Variants in GLIS3 observed in about 807,000 individuals in gnomAD.
GLIS3 encodes GLIS family zinc finger 3, also known as zinc finger protein GLIS3.
GLIS3 carries 53 observed loss-of-function variants against 78.6 expected under a neutral mutation model. The observed-to-expected ratio is 0.67, with a 90% CI of 0.54 to 0.85. The LOEUF (loss-of-function observed/expected upper bound fraction) is 0.85, where lower values mean the gene tolerates loss of function less well. Ranked by LOEUF, GLIS3 falls within the 40% of genes least tolerant of loss-of-function variation. The pLI is 0.00. For missense variants in GLIS3, 1,703 were observed against 1,231.1 expected (o/e 1.38, Z -5.74); for synonymous variants, 684 against 509.9 (o/e 1.34, Z -4.60).
intron 2 of GLIS3, among the ~76,000 whole-genome samples, chr9:4,338,366 G>A (rs1051895249): frequency 3.7e-5 from 5 of 133,714 alleles, no homozygotes; most frequent in Non-Finnish European, 4.7e-5. Flanking sequence ...ATATATGTGT[G>A]TACACACACA....
At chr9:3,837,472 T>C (rs576182298) in intron 9 of GLIS3, among the ~76,000 whole-genome samples, 3 of 152,234 alleles carry the variant, frequency 2.0e-5, no homozygotes, top group Admixed American at 2.0e-4. Flanking sequence ...TGTACATGTA[T>C]GTTTATAGTA....
intron 4 of GLIS3, among the ~76,000 whole-genome samples, chr9:4,116,947 G>A (rs1224055765): frequency 6.6e-6 from 1 of 152,256 alleles, no homozygotes; most frequent in South Asian, 2.1e-4. Context: ...AACCCTGAGG[G>A]TTTCTGTGAG....
the GLIS3 span, among the ~76,000 whole-genome samples, chr9:4,398,372 A>T: frequency 6.6e-6 from 1 of 152,008 alleles, no homozygotes; most frequent in African/African-American, 2.4e-5. Context: ...GTATCTATGG[A>T]ATCAGAATCT....
the GLIS3 span, among the ~76,000 whole-genome samples, chr9:4,484,146 G>A: frequency 2.0e-5 from 3 of 152,118 alleles, no homozygotes; most frequent in Admixed American, 6.5e-5. Flanking sequence ...ATAACAGTAA[G>A]AGAAATCTGA....
intron 2 of GLIS3, among the ~76,000 whole-genome samples, chr9:4,252,140 G>C (rs1050660829): frequency 6.6e-6 from 1 of 152,146 alleles, no homozygotes; most frequent in African/African-American, 2.4e-5. Context: ...TCCAGAATTT[G>C]AATGTTGGCC....
At chr9:4,207,125 G>T (rs1251012780) in intron 2 of GLIS3, among the ~76,000 whole-genome samples, 2 of 152,146 alleles carry the variant, frequency 1.3e-5, no homozygotes, top group Admixed American at 6.5e-5. Flanking sequence ...ATCCATAATG[G>T]TATGTGGAGA....
chr9:4,376,613 C>G, the GLIS3 span, among the ~76,000 whole-genome samples: 14 of 134,712 alleles, frequency 1.0e-4, 2 homozygotes, highest in African/African-American at 3.7e-4. Context: ...CCTAATATGC[C>G]AGTGGGTACT....
chr9:4,058,339 C>T (rs967910886), intron 4 of GLIS3, among the ~76,000 whole-genome samples: 1 of 152,022 alleles, frequency 6.6e-6, no homozygotes, highest in Non-Finnish European at 1.5e-5. Context: ...AGAGAGTAAG[C>T]AGATACTGCT....
chr9:4,227,797 G>A (rs1039494199), intron 2 of GLIS3, among the ~76,000 whole-genome samples: 10 of 152,194 alleles, frequency 6.6e-5, no homozygotes, highest in Non-Finnish European at 1.3e-4. Context: ...AAGCAAGGGA[G>A]AAGCAATTCT....
intron 2 of GLIS3, among the ~76,000 whole-genome samples, chr9:4,275,730 T>C (rs1223689543): frequency 6.6e-6 from 1 of 152,094 alleles, no homozygotes; most frequent in African/African-American, 2.4e-5. Context: ...GCTACTGCAC[T>C]CTGGCCTGGG....
In GLIS3 at chr9:4,024,354, C is replaced by A. The variant is rs530064793; in HGVS notation, c.1711-87165G>T. On this transcript the variant is annotated intron_variant, in intron 4 of 10. Transcript: ENST00000381971. ...TCACATCAAGAATCAAAATGAAGGT[C>A]ATGATAATGACTGTGTGGATAGAAT... Among the ~76,000 whole-genome samples, 89 of 152,282 alleles carry A rather than the reference C, an allele frequency of 5.8e-4. 2 individuals carry two copies. Among genetic ancestry groups the A allele is most frequent in the Admixed American group, 5.8e-3 (89 of 15,290 alleles).
chr9:3,881,589 G>A (rs115458537), intron 7 of GLIS3, among the ~76,000 whole-genome samples: 2,101 of 152,184 alleles, frequency 0.014, 51 homozygotes, highest in African/African-American at 0.046. Context: ...CCTGCCACTC[G>A]CTCAGAGTTA....
At chr9:4,381,597 G>T in the GLIS3 span, among the ~76,000 whole-genome samples, 2 of 152,152 alleles carry the variant, frequency 1.3e-5, no homozygotes, top group Middle Eastern at 3.4e-3. Context: ...ATATCTGCAT[G>T]CATGAACCTC....
the GLIS3 span, among the ~76,000 whole-genome samples, chr9:4,405,257 G>C: frequency 6.6e-6 from 1 of 152,086 alleles, no homozygotes; most frequent in South Asian, 2.1e-4. Context: ...AGGAGGCTGA[G>C]GCAGGAGAAT....
At chr9:3,935,172 C>T (rs636601) in intron 5 of GLIS3, among the ~76,000 whole-genome samples, 112,021 of 152,022 alleles carry the variant, frequency 0.74, 41,711 homozygotes, top group East Asian at 0.93. Flanking sequence ...ATTTAAATAA[C>T]AAATTCTTCA....
At chr9:4,038,996 G>GTC (rs1824566066) in intron 4 of GLIS3, among the ~76,000 whole-genome samples, 1 of 152,162 alleles carries the variant, frequency 6.6e-6, no homozygotes, top group East Asian at 1.9e-4. Flanking sequence ...GGGTAAAGCT[G>GTC]AGCAGCTTGC....
chr9:4,118,379 C>T lies in GLIS3; in HGVS notation c.1099G>A (p.Gly367Ser), dbSNP rs768718889. ...SCIPQPRPVPGSQKGVLVAPG... is the reference protein window; with the variant it reads ...SCIPQPRPVPSSQKGVLVAPG... ...GCCACCAGCACGCCCTTCTGGCTGC[C>T]GGGCACCGGGCGCGGCTGGGGAATG... Residue 367 changes from glycine (G) to serine (S), a missense_variant, in exon 4 of 11, where the codon GGC becomes AGC. Coordinates refer to ENST00000381971, the MANE Select transcript of GLIS3 (RefSeq NM_001042413.2). This position sits in a 1 kb window ranked among gnomAD's most constrained non-coding sequence, Gnocchi z 4.7. 3 of 1,596,392 alleles carry T rather than the reference C, an allele frequency of 1.9e-6. No individual in the cohort carries two copies. Among genetic ancestry groups the T allele is most frequent in the South Asian group, 1.1e-5 (1 of 90,088 alleles).
intron 4 of GLIS3, among the ~76,000 whole-genome samples, chr9:4,100,748 A>ACTAAT (rs2130798314): frequency 6.6e-6 from 1 of 152,316 alleles, no homozygotes; most frequent in East Asian, 1.9e-4. Context: ...AAGGAAAAAA[A>ACTAAT]CTAATTCTTG....
intron 9 of GLIS3, among the ~76,000 whole-genome samples, chr9:3,840,671 G>T (rs1818657045): frequency 6.6e-6 from 1 of 152,218 alleles, no homozygotes; most frequent in Non-Finnish European, 1.5e-5. Flanking sequence ...TTCAAAAGTT[G>T]ACCACTGGAG....
Sources: gnomAD v4.1 joint callset for allele counts (sites outside exome capture counted in the v4.1 genomes callset) on GRCh38, gnomAD v4.1.1 for gene constraint, Gnocchi (gnomAD v3.1) non-coding constraint, MANE v1.5 for transcripts, NCBI Gene and HGNC (gene_info 2026-07-23, HGNC 2026-07-21) for gene names.